Variants in AGPAT4 observed in about 807,000 individuals in gnomAD.
The protein encoded by AGPAT4 is 1-acylglycerol-3-phosphate O-acyltransferase 4.
A neutral mutation model predicts 48.0 loss-of-function variants in AGPAT4; 15 were observed. The ratio of observed to expected loss-of-function variants is 0.31; its 90% CI spans 0.21 to 0.48. The LOEUF (loss-of-function observed/expected upper bound fraction) is 0.48, where lower values mean the gene tolerates loss of function less well. Among genes scored for constraint, AGPAT4 ranks in the 20% least tolerant of loss-of-function variants. AGPAT4 has a pLI of 0.99. For missense variants in AGPAT4, 314 were observed against 482.5 expected (o/e 0.65, Z 3.27); for synonymous variants, 178 against 198.7 (o/e 0.90, Z 0.88).
rs536034523 is a variant in AGPAT4 at position 161,166,526 on chromosome 6, G to A, written c.179-109C>T. The stretch of plus-strand genomic sequence containing the variant: ...AGCTAGGGGAGAAAGCAACTTCTAC[G>A]GGCAAAGTTCTGGATCGTTGCAGCA... On this transcript the variant is annotated intron_variant, in intron 2 of 8. Coordinates refer to ENST00000320285, the MANE Select transcript of AGPAT4 (RefSeq NM_020133.3). This position sits in a 1 kb window ranked among gnomAD's most constrained non-coding sequence, Gnocchi z 6.7. 2.1e-4 allele frequency: 283 copies of A among 1,334,890 alleles called. 11 individuals are homozygous for A. The South Asian group carries it at 3.6e-3, about 17-fold the overall frequency. 82.7% of individuals were successfully genotyped at this position (1,334,890 alleles called of 1,614,324 possible).
chr6:161,235,788 G>T lies in AGPAT4; in HGVS notation c.-89-3486C>A, dbSNP rs559928164. ...TCTCAAGAGAACTCACTCATTATAC[G>T]GTACCAAGGGGGTACAGTGCTAAAC... On this transcript the variant is annotated intron_variant, in intron 1 of 8. Coordinates refer to ENST00000320285, the MANE Select transcript of AGPAT4 (RefSeq NM_020133.3). The surrounding 1 kb of genome is among the most constrained non-coding windows in gnomAD (Gnocchi z 6.2). 0.011 allele frequency among the ~76,000 whole-genome samples: 1,716 copies of T among 152,132 alleles called. 29 individuals carry two copies. The highest frequency in any genetic ancestry group is 0.039 in the African/African-American group (1,603 of 41,492).
chr6:161,175,109 C>G (rs1435346904), intron 2 of AGPAT4, among the ~76,000 whole-genome samples: 1 of 152,090 alleles, frequency 6.6e-6, no homozygotes, highest in Admixed American at 6.6e-5. Context: ...CTAAAATTCT[C>G]TTTTTTTGTT....
rs1779295535 is a variant in AGPAT4, at chr6:161,142,769, G to A, written c.844-3149C>T. 6.6e-6 allele frequency among the ~76,000 whole-genome samples: 1 copy of A among 152,222 alleles called. No individual in the cohort carries two copies. Among genetic ancestry groups the A allele is most frequent in the Non-Finnish European group, 1.5e-5 (1 of 68,028 alleles). On this transcript the variant is annotated intron_variant, in intron 7 of 8. Transcript: ENST00000320285. This position sits in a 1 kb window ranked among gnomAD's most constrained non-coding sequence, Gnocchi z 6.4. Reference sequence around the variant, plus strand: ...GTCTGGGCGGGGAGAGGCTCTGTGAGAAGCGCTCGCAAGCCTTGGTCTCAG... The same window carrying A: ...GTCTGGGCGGGGAGAGGCTCTGTGAAAAGCGCTCGCAAGCCTTGGTCTCAG...
chr6:161,149,785 G>A lies in AGPAT4; in HGVS notation c.665-496C>T, dbSNP rs112558088. On this transcript the variant is annotated intron_variant, in intron 5 of 8. Coordinates refer to ENST00000320285, the MANE Select transcript of AGPAT4 (RefSeq NM_020133.3). The surrounding 1 kb of genome is among the most constrained non-coding windows in gnomAD (Gnocchi z 6.5). ...TTGAACTCCTGACCTCAAGTGCTCT[G>A]CCCGCCTCAGCCTCCCAAAGTGCTG... is the stretch of plus-strand genomic sequence containing the variant. Among the ~76,000 whole-genome samples, 997 of 152,166 alleles carry A rather than the reference G, an allele frequency of 6.6e-3. 3 individuals carry two copies. Among genetic ancestry groups the A allele is most frequent in the Non-Finnish European group, 0.011 (774 of 68,004 alleles).
Position 161,255,013 on chromosome 6 carries a change from T to C in AGPAT4, c.-90+18925A>G, listed in dbSNP as rs893809188. Among the ~76,000 whole-genome samples, 7 of 152,198 alleles carry C rather than the reference T, an allele frequency of 4.6e-5. No homozygotes were observed. Among genetic ancestry groups the C allele is most frequent in the African/African-American group, 9.7e-5 (4 of 41,444 alleles). On this transcript the variant is annotated intron_variant, in intron 1 of 8. Transcript: ENST00000320285. The surrounding 1 kb of genome is among the most constrained non-coding windows in gnomAD (Gnocchi z 4.7). ...AGCTGTTCTTATCGTTCCGAGGCCA[T>C]TGCAGAGCCAGATACGGTTACACAG...
intron 2 of AGPAT4, among the ~76,000 whole-genome samples, chr6:161,230,662 T>C (rs2115035230): frequency 6.6e-6 from 1 of 152,266 alleles, no homozygotes; most frequent in South Asian, 2.1e-4. Context: ...TGGAGACCAA[T>C]GTTGAGTGAA....
Position 161,139,506 on chromosome 6 carries a change from A to G in AGPAT4, c.958T>C (p.Tyr320His). ...CTGACCAGGAACTGGAAGAAAGGGT[A>G]GAGCACCAGCGAGGCCCAAAACAGC... ...NWLFWASLVL[Y>H]PFFQFLVSMI... Residue 320 changes from tyrosine to histidine, a missense_variant, in exon 8 of 9, where the codon TAC becomes CAC. Coordinates refer to ENST00000320285, the MANE Select transcript of AGPAT4 (RefSeq NM_020133.3). The surrounding 1 kb of genome is among the most constrained non-coding windows in gnomAD (Gnocchi z 9.1). The G allele has an allele frequency of 1.9e-6, 3 of 1,614,142 alleles. No individual in the cohort carries two copies. Among genetic ancestry groups the G allele is most frequent in the Non-Finnish European group, 2.5e-6 (3 of 1,180,032 alleles).
At chr6:161,203,696 C>T (rs1781305783) in intron 2 of AGPAT4, among the ~76,000 whole-genome samples, 1 of 152,114 alleles carries the variant, frequency 6.6e-6, no homozygotes, top group Admixed American at 6.5e-5. Context: ...CAGCGCCCGG[C>T]TGGTGCTGGG....
Position 161,208,682 on chromosome 6 carries a change from G to GA in AGPAT4, c.178+23353dup, listed in dbSNP as rs1781444959. Among the ~76,000 whole-genome samples, 1 of 152,032 alleles carries GA rather than the reference G, an allele frequency of 6.6e-6. No homozygotes were observed. The highest frequency in any genetic ancestry group is 2.4e-5 in the African/African-American group (1 of 41,400). On this transcript the variant is annotated intron_variant, in intron 2 of 8. Transcript: ENST00000320285. This position sits in a 1 kb window ranked among gnomAD's most constrained non-coding sequence, Gnocchi z 4.6. ...TTCACAGCAACAGAAAAACAATTCA[G>GA]AAAAAAGAAATGCAAAAGAAGTCTA...
At chr6:161,209,400 A>AT (rs974208469) in intron 2 of AGPAT4, among the ~76,000 whole-genome samples, 12 of 152,112 alleles carry the variant, frequency 7.9e-5, no homozygotes, top group Non-Finnish European at 1.5e-5. Context: ...CTGCTAGAAA[A>AT]TTTTTTGCAA....
chr6:161,257,508 A>G (rs1782974758), intron 1 of AGPAT4, among the ~76,000 whole-genome samples: 3 of 152,214 alleles, frequency 2.0e-5, no homozygotes. Flanking sequence ...ATGGTTACAC[A>G]ACGCCAAATT....
chr6:161,139,642 C>T lies in AGPAT4; in HGVS notation c.844-22G>A, dbSNP rs765458550. The T allele has an allele frequency of 2.3e-5, 36 of 1,573,536 alleles. No individual in the cohort carries two copies. Among genetic ancestry groups the T allele is most frequent in the Middle Eastern group, 3.5e-4 (2 of 5,788 alleles). ...CATCCTGGGGGACAGGAAAGAGGAC[C>T]CTCAGACGCCACACGGGGCTCGGTG... is the stretch of plus-strand genomic sequence containing the variant. On this transcript the variant is annotated intron_variant, in intron 7 of 8. Transcript: ENST00000320285. This position sits in a 1 kb window ranked among gnomAD's most constrained non-coding sequence, Gnocchi z 9.1.
intron 2 of AGPAT4, among the ~76,000 whole-genome samples, chr6:161,168,294 C>T (rs891626801): frequency 6.6e-6 from 1 of 152,128 alleles, no homozygotes; most frequent in Non-Finnish European, 1.5e-5. Flanking sequence ...GGCCAAAGGC[C>T]ACAGATAAGC....
Position 161,229,930 on chromosome 6 carries a change from C to T in AGPAT4, c.178+2106G>A, listed in dbSNP as rs1467349383. ...CACTGGGTATACCTGGATGGAGGTG[C>T]TTCTAGGTCCTTCAGTGACATTAGA... is the stretch of plus-strand genomic sequence containing the variant. On this transcript the variant is annotated intron_variant, in intron 2 of 8. Coordinates refer to ENST00000320285, the MANE Select transcript of AGPAT4 (RefSeq NM_020133.3). This position sits in a 1 kb window ranked among gnomAD's most constrained non-coding sequence, Gnocchi z 6.0. Among the ~76,000 whole-genome samples, 1 of 152,152 alleles carries T rather than the reference C, an allele frequency of 6.6e-6. No individual in the cohort carries two copies. Among genetic ancestry groups the T allele is most frequent in the African/African-American group, 2.4e-5 (1 of 41,430 alleles).
intron 1 of AGPAT4, among the ~76,000 whole-genome samples, chr6:161,247,493 T>C (rs1179852818): frequency 6.6e-6 from 1 of 152,292 alleles, no homozygotes; most frequent in South Asian, 2.1e-4. Context: ...TTTAAATATA[T>C]AGTAGTTGAA....
At chr6:161,203,828 A>G (rs2115012617) in intron 2 of AGPAT4, among the ~76,000 whole-genome samples, 1 of 152,282 alleles carries the variant, frequency 6.6e-6, no homozygotes, top group African/African-American at 2.4e-5. Context: ...GGTCAGTATT[A>G]TATGCCATTT....
chr6:161,154,909 A>G lies in AGPAT4; in HGVS notation c.349-599T>C, dbSNP rs1779724906. On this transcript the variant is annotated intron_variant, in intron 3 of 8. Coordinates refer to ENST00000320285, the MANE Select transcript of AGPAT4 (RefSeq NM_020133.3). This position sits in a 1 kb window ranked among gnomAD's most constrained non-coding sequence, Gnocchi z 7.8. Reference sequence around the variant, plus strand: ...CTCTGCTGAGCTCTGCAGTTGAGGCAAACAGGAGTCTCCGCTCACAGAGCA... The same window carrying G: ...CTCTGCTGAGCTCTGCAGTTGAGGCGAACAGGAGTCTCCGCTCACAGAGCA... Among the ~76,000 whole-genome samples the G allele has an allele frequency of 6.6e-6, 1 of 152,228 alleles. No individual in the cohort carries two copies. Among genetic ancestry groups the G allele is most frequent in the African/African-American group, 2.4e-5 (1 of 41,466 alleles).
chr6:161,211,787 A>T (rs1350547313), intron 2 of AGPAT4, among the ~76,000 whole-genome samples: 1 of 152,132 alleles, frequency 6.6e-6, no homozygotes, highest in East Asian at 1.9e-4. Context: ...CAGGATTTTG[A>T]GTCCTGGGTC....
intron 1 of AGPAT4, among the ~76,000 whole-genome samples, chr6:161,269,436 G>A (rs1373709953): frequency 6.6e-6 from 1 of 152,228 alleles, no homozygotes; most frequent in Non-Finnish European, 1.5e-5. Flanking sequence ...ATTGTTCAAT[G>A]AAAGAAGTAT....
Sources: gnomAD v4.1 joint callset for allele counts (sites outside exome capture counted in the v4.1 genomes callset) on GRCh38, gnomAD v4.1.1 for gene constraint, Gnocchi (gnomAD v3.1) non-coding constraint, MANE v1.5 for transcripts, NCBI Gene and HGNC (gene_info 2026-07-23, HGNC 2026-07-21) for gene names.